The following SULF1 variants were observed in gnomAD, a reference collection of about 807,000 sequenced individuals.
SULF1 encodes the protein sulfatase 1.
In SULF1, 46 loss-of-function variants were observed where a neutral mutation model predicts 110.5. The observed-to-expected ratio is 0.42, with a 90% CI of 0.33 to 0.53. SULF1 has a LOEUF of 0.53. Among genes scored for constraint, SULF1 ranks in the 20% least tolerant of loss-of-function variants. The pLI, the probability that SULF1 is intolerant of heterozygous loss-of-function variation, is 0.12. For synonymous variants in SULF1, 371 were observed against 387.1 expected (o/e 0.96, Z 0.49); for missense variants, 941 against 1,094.2 (o/e 0.86, Z 1.98).
At chr8:69,596,675 G>A (rs1033552254) in intron 8 of SULF1, among the ~76,000 whole-genome samples, 3 of 152,160 alleles carry the variant, frequency 2.0e-5, no homozygotes, top group Admixed American at 6.5e-5. Flanking sequence ...TGGTGTTGTA[G>A]GAGGGGCACT....
chr8:69,526,609 AAAAAAG>A (rs59404263), intron 3 of SULF1, among the ~76,000 whole-genome samples: 7,359 of 150,236 alleles, frequency 0.049, 317 homozygotes, highest in African/African-American at 0.12. Flanking sequence ...CAAAAAAAAA[AAAAAAG>A]AAAGAAAGAA....
At chr8:69,600,352 T>G (rs1807700460) in intron 8 of SULF1, among the ~76,000 whole-genome samples, 1 of 152,226 alleles carries the variant, frequency 6.6e-6, no homozygotes, top group Non-Finnish European at 1.5e-5. Flanking sequence ...CAAATGAACT[T>G]CTAATTACAT....
At chr8:69,628,729 TAAA>T (rs1363348590) in intron 18 of SULF1, among the ~76,000 whole-genome samples, 4 of 152,178 alleles carry the variant, frequency 2.6e-5, no homozygotes, top group Non-Finnish European at 5.9e-5. Flanking sequence ...AACAAAATAA[TAAA>T]AAATAATTCT....
At chr8:69,620,993 T>C in intron 13 of SULF1, 42 bp from the exon 14 acceptor site, 1 of 1,524,216 alleles carries the variant, frequency 6.6e-7, no homozygotes, top group Non-Finnish European at 8.9e-7. Flanking sequence ...AAATAACACC[T>C]GGAGCAGAAT....
intron 2 of SULF1, among the ~76,000 whole-genome samples, 151 bp from the exon 3 acceptor site, chr8:69,501,723 G>A (rs1313470139): frequency 6.6e-6 from 1 of 152,192 alleles, no homozygotes; most frequent in Non-Finnish European, 1.5e-5. Context: ...ACTCTTGCGA[G>A]TGATTGTAAG....
intron 1 of SULF1, among the ~76,000 whole-genome samples, chr8:69,469,964 C>A (rs1809013728): frequency 6.6e-6 from 1 of 152,160 alleles, no homozygotes; most frequent in Non-Finnish European, 1.5e-5. Flanking sequence ...ATTGCTTGAA[C>A]CCGAAAGGCG....
chr8:69,490,104 T>A (rs1809870125), upstream of SULF1, among the ~76,000 whole-genome samples: 1 of 50,020 alleles, frequency 2.0e-5, no homozygotes, highest in African/African-American at 9.8e-5. Flanking sequence ...ATACTTTTCT[T>A]TTTTTTTTTT....
chr8:69,527,854 T>C (rs1812804495), intron 3 of SULF1, among the ~76,000 whole-genome samples: 2 of 152,114 alleles, frequency 1.3e-5, no homozygotes, highest in Admixed American at 6.6e-5. Flanking sequence ...AATAACCAAA[T>C]TCCTATGTGT....
intron 13 of SULF1, among the ~76,000 whole-genome samples, chr8:69,611,506 T>A (rs1026923528): frequency 1.3e-5 from 2 of 151,974 alleles, no homozygotes; most frequent in Non-Finnish European, 2.9e-5. Context: ...GTAACACTAA[T>A]TCATATTTGT....
intron 22 of SULF1, among the ~76,000 whole-genome samples, chr8:69,644,251 C>T (rs1418090422): frequency 2.6e-5 from 4 of 152,204 alleles, no homozygotes; most frequent in Non-Finnish European, 2.9e-5. Flanking sequence ...GACGCTGGAG[C>T]TCCTGATTAG....
chr8:69,473,547 C>T (rs2150532376), intron 1 of SULF1, among the ~76,000 whole-genome samples: 1 of 152,318 alleles, frequency 6.6e-6, no homozygotes, highest in African/African-American at 2.4e-5. Flanking sequence ...AACTAAAAAA[C>T]ATTCTAAAGC....
intron 1 of SULF1, among the ~76,000 whole-genome samples, chr8:69,494,061 G>A (rs547680836): frequency 1.1e-4 from 16 of 152,066 alleles, no homozygotes; most frequent in South Asian, 1.0e-3. Context: ...TTATAACTTG[G>A]TATGCTATGA....
chr8:69,541,401 C>A (rs1216600302), intron 3 of SULF1, among the ~76,000 whole-genome samples: 2 of 152,172 alleles, frequency 1.3e-5, no homozygotes, highest in South Asian at 2.1e-4. Flanking sequence ...CCATCTGTGG[C>A]ACAGCTAAAA....
chr8:69,496,826 G>A (rs1387132086), intron 2 of SULF1, among the ~76,000 whole-genome samples: 4 of 152,218 alleles, frequency 2.6e-5, no homozygotes, highest in African/African-American at 7.2e-5. Context: ...TTAAAGAGTG[G>A]ATAGTTCGCA....
chr8:69,501,474 C>G lies in SULF1; in HGVS notation c.-228-400C>G, dbSNP rs150558770. ...TAGCTTGCTGCAACTTTAAAAGATT[C>G]CATGATTCAGCGCGTTTTCCTTTAA... On this transcript the variant is annotated intron_variant, in intron 2 of 22. Coordinates refer to ENST00000402687, the MANE Select transcript of SULF1 (RefSeq NM_001128205.2). Among the ~76,000 whole-genome samples the G allele has an allele frequency of 4.1e-3, 618 of 152,310 alleles. 5 individuals are homozygous for G. The highest frequency in any genetic ancestry group is 0.014 in the African/African-American group (580 of 41,562).
At chr8:69,568,838 T>A (rs994916509) in intron 5 of SULF1, among the ~76,000 whole-genome samples, 3 of 152,204 alleles carry the variant, frequency 2.0e-5, no homozygotes, top group Non-Finnish European at 2.9e-5. Context: ...ACCGAGAGCA[T>A]CAGTACATTC....
intron 2 of SULF1, among the ~76,000 whole-genome samples, chr8:69,499,875 A>G (rs1242657649): frequency 6.6e-6 from 1 of 152,072 alleles, no homozygotes; most frequent in Non-Finnish European, 1.5e-5. Flanking sequence ...TCAGCCTCCC[A>G]AGTAGCTGAT....
At chr8:69,614,600 A>C (rs1306372502) in intron 13 of SULF1, among the ~76,000 whole-genome samples, 2 of 152,276 alleles carry the variant, frequency 1.3e-5, no homozygotes, top group Non-Finnish European at 2.9e-5. Flanking sequence ...TCCTCATACC[A>C]AAATTGCCAG....
At chr8:69,550,748 C>T (rs1192845477) in intron 3 of SULF1, among the ~76,000 whole-genome samples, 2 of 152,178 alleles carry the variant, frequency 1.3e-5, no homozygotes, top group Non-Finnish European at 2.9e-5. Context: ...TATCAGACCA[C>T]GTGTCCCAAT....
Sources: allele counts gnomAD v4.1 joint callset (sites outside exome capture counted in the v4.1 genomes callset), GRCh38; gene constraint gnomAD v4.1.1; transcripts MANE v1.5; gene names NCBI Gene and HGNC (gene_info 2026-07-23, HGNC 2026-07-21).